The following SNRPN variants were observed in gnomAD, a reference collection of about 807,000 sequenced individuals.
The protein encoded by SNRPN is small nuclear ribonucleoprotein polypeptide N.
SNRPN carries 7 observed loss-of-function variants against 25.2 expected under a neutral mutation model. The observed-to-expected ratio is 0.28, with a 90% CI of 0.16 to 0.52. SNRPN has a LOEUF of 0.52. Among genes scored for constraint, SNRPN ranks in the 20% least tolerant of loss-of-function variants. The pLI is 0.96. For synonymous variants in SNRPN, 124 were observed against 110.6 expected (o/e 1.12, Z -0.76); for missense variants, 196 against 322.5 (o/e 0.61, Z 3.00).
intron 2 of SNRPN, among the ~76,000 whole-genome samples, chr15:24,900,893 A>G (rs1207167918): frequency 6.6e-6 from 1 of 152,142 alleles, no homozygotes; most frequent in African/African-American, 2.4e-5. Context: ...CCATAAATTT[A>G]AGACCGGTTT....
chr15:24,973,542 C>G (rs2076705623), intron 3 of SNRPN, among the ~76,000 whole-genome samples: 1 of 152,042 alleles, frequency 6.6e-6, no homozygotes, highest in African/African-American at 2.4e-5. Context: ...GGATTACAGG[C>G]ACCCACCACC....
chr15:24,915,158 C>A (rs140262151), intron 2 of SNRPN, among the ~76,000 whole-genome samples: 3 of 151,696 alleles, frequency 2.0e-5, no homozygotes, highest in Admixed American at 1.3e-4. Context: ...GACAGAGTCT[C>A]GCTCTGTCAT....
intron 1 of SNRPN, among the ~76,000 whole-genome samples, chr15:24,885,716 C>CCGTG (rs373086731): frequency 1.4e-5 from 2 of 141,636 alleles, no homozygotes; most frequent in African/African-American, 2.6e-5. Context: ...GAATCTGGGG[C>CCGTG]TGTGTGTGTG....
chr15:24,828,533 C>T lies in SNRPN; in HGVS notation c.-686-1265C>T, dbSNP rs35630553. Among the ~76,000 whole-genome samples, 557 of 151,794 alleles carry T rather than the reference C, an allele frequency of 3.7e-3. 21 individuals are homozygous for T. The East Asian group carries it at 0.083, about 23-fold the overall frequency. On this transcript the variant is annotated intron_variant, in intron 1 of 12. Coordinates refer to the SNRPN transcript ENST00000400100. ...CTGCACTCCAGCCTGGGCGACAGAGCGAGACTCCGTCTCGAAAAAAACAAG... is the reference window on the plus strand; with the variant it reads ...CTGCACTCCAGCCTGGGCGACAGAGTGAGACTCCGTCTCGAAAAAAACAAG...
At chr15:24,852,176 GGTGTT>G (rs1176454865), upstream of SNRPN, 5 of 152,084 alleles carry the variant, frequency 3.3e-5, no homozygotes, top group Admixed American at 2.6e-4. Flanking sequence ...GTATGCTTGG[GGTGTT>G]GTGTTTTCCC....
intron 1 of SNRPN, among the ~76,000 whole-genome samples, chr15:24,961,435 G>T (rs932902890): frequency 6.6e-6 from 1 of 152,212 alleles, no homozygotes; most frequent in Middle Eastern, 3.4e-3. Flanking sequence ...ATCTTTAAAG[G>T]TTCATAGGTG....
At chr15:24,899,751 C>T (rs550403961) in intron 2 of SNRPN, among the ~76,000 whole-genome samples, 31 of 152,284 alleles carry the variant, frequency 2.0e-4, no homozygotes, top group African/African-American at 4.3e-4. Context: ...CCACTGGTGC[C>T]GCACACTGTG....
chr15:24,899,387 A>T (rs918471468), intron 2 of SNRPN, among the ~76,000 whole-genome samples: 1 of 152,230 alleles, frequency 6.6e-6, no homozygotes, highest in African/African-American at 2.4e-5. Flanking sequence ...ATTGAGTCAG[A>T]TACCCTTAAA....
At chr15:24,967,137 A>G (rs978136180) in intron 2 of SNRPN, 3 of 152,184 alleles carry the variant, frequency 2.0e-5, no homozygotes, top group African/African-American at 7.2e-5. Flanking sequence ...GATTGTTCAC[A>G]CAGGATAATT....
chr15:24,936,266 G>A (rs556525761), intron 3 of SNRPN, among the ~76,000 whole-genome samples: 21 of 152,204 alleles, frequency 1.4e-4, no homozygotes, highest in Middle Eastern at 3.2e-3. Context: ...GAGAATTAGA[G>A]AAAGCTTAAT....
chr15:24,918,383 A>T (rs12443051), intron 2 of SNRPN, among the ~76,000 whole-genome samples: 7,105 of 48,796 alleles, frequency 0.15, 604 homozygotes, highest in African/African-American at 0.21. Context: ...TATATAACAT[A>T]ATATATATGT....
intron 3 of SNRPN, among the ~76,000 whole-genome samples, chr15:24,931,031 C>A (rs892513361): frequency 2.0e-5 from 3 of 152,022 alleles, no homozygotes; most frequent in African/African-American, 7.2e-5. Context: ...GCCTGGGCGA[C>A]AGAGTGAGAC....
In SNRPN at chr15:24,899,365, T is replaced by C. The variant is rs116779460; in HGVS notation, c.-505+12776T>C. Among the ~76,000 whole-genome samples the C allele has an allele frequency of 5.4e-3, 829 of 152,360 alleles. 8 individuals are homozygous for C. The highest frequency in any genetic ancestry group is 0.019 in the African/African-American group (789 of 41,584). ...AGATCAAAATTAATCATTCATTGCC[T>C]GCTCTGTGAAAATTGAGTCAGATAC... On this transcript the variant is annotated intron_variant, in intron 2 of 11. Transcript: ENST00000400097.
chr15:24,882,301 T>C (rs990834022), intron 1 of SNRPN, among the ~76,000 whole-genome samples: 1 of 152,186 alleles, frequency 6.6e-6, no homozygotes, highest in African/African-American at 2.4e-5. Context: ...AAGGTAAACA[T>C]CTTACATAAA....
At chr15:24,956,745 C>T (rs944539112) in intron 1 of SNRPN, among the ~76,000 whole-genome samples, 1 of 152,192 alleles carries the variant, frequency 6.6e-6, no homozygotes, top group African/African-American at 2.4e-5. Context: ...GCCTAGCAAG[C>T]TTGGCAGCCA....
chr15:24,886,572 C>T (rs937478592), exon 2 of SNRPN: 23 of 152,318 alleles, frequency 1.5e-4, no homozygotes, highest in Non-Finnish European at 2.9e-5. Context: ...CTAGCAGCCA[C>T]GTGGGGCACT....
chr15:24,955,514 C>T (rs906113821), intron 1 of SNRPN, among the ~76,000 whole-genome samples: 1 of 147,014 alleles, frequency 6.8e-6, no homozygotes, highest in Admixed American at 6.9e-5. Context: ...GGCGAAGGTA[C>T]GTGAAGTGAT....
intron 3 of SNRPN, among the ~76,000 whole-genome samples, chr15:24,949,197 T>A (rs1205976216): frequency 1.3e-5 from 2 of 151,760 alleles, no homozygotes; most frequent in Admixed American, 6.6e-5. Context: ...ATTTTTTGTA[T>A]TTTTAGTAGA....
At chr15:24,903,839 C>G (rs574328816) in intron 2 of SNRPN, among the ~76,000 whole-genome samples, 76 of 152,204 alleles carry the variant, frequency 5.0e-4, no homozygotes, top group African/African-American at 1.7e-3. Flanking sequence ...TCGAGACCAG[C>G]TTGGGCAATG....
Sources: gnomAD v4.1 joint callset for allele counts (sites outside exome capture counted in the v4.1 genomes callset) on GRCh38, gnomAD v4.1.1 for gene constraint, MANE v1.5 for transcripts, NCBI Gene and HGNC (gene_info 2026-07-23, HGNC 2026-07-21) for gene names.